The following RPRD2 variants were observed in gnomAD, a reference collection of about 807,000 sequenced individuals.
The protein encoded by RPRD2 is regulation of nuclear pre-mRNA domain containing 2.
RPRD2 carries 12 observed loss-of-function variants against 104.4 expected under a neutral mutation model. That is an observed-to-expected ratio of 0.11 (90% confidence interval 0.07 to 0.19). The LOEUF (loss-of-function observed/expected upper bound fraction) is 0.19, where lower values mean the gene tolerates loss of function less well. Ranked by LOEUF, RPRD2 falls within the 10% of genes least tolerant of loss-of-function variation. The pLI is 1.00. For synonymous variants in RPRD2, 714 were observed against 684.9 expected (o/e 1.04, Z -0.66); for missense variants, 1,543 against 1,790.1 (o/e 0.86, Z 2.49).
intron 1 of RPRD2, among the ~76,000 whole-genome samples, chr1:150,407,222 T>C (rs782583795): frequency 5.3e-5 from 8 of 152,062 alleles, no homozygotes; most frequent in African/African-American, 1.7e-4. Context: ...ATCAGAGGAG[T>C]TTAAGGTACA....
chr1:150,392,368 G>C (rs1341335869), intron 1 of RPRD2, among the ~76,000 whole-genome samples: 1 of 152,128 alleles, frequency 6.6e-6, no homozygotes, highest in East Asian at 1.9e-4. Flanking sequence ...AGCTGGGCGT[G>C]GTGGCACATG....
At chr1:150,372,494 C>CACACGCACACAG (rs1553878621) in intron 1 of RPRD2, among the ~76,000 whole-genome samples, 13 of 95,582 alleles carry the variant, frequency 1.4e-4, no homozygotes, top group Non-Finnish European at 2.9e-4. Flanking sequence ...AAGAAACACA[C>CACACGCACACAG]ACACACACAC....
intron 1 of RPRD2, among the ~76,000 whole-genome samples, chr1:150,400,862 C>G (rs1387869746): frequency 1.3e-5 from 2 of 151,678 alleles, no homozygotes; most frequent in African/African-American, 4.8e-5. Flanking sequence ...TTTTATTGAG[C>G]CTTTCATAGT....
intron 10 of RPRD2, among the ~76,000 whole-genome samples, chr1:150,467,953 G>T (rs924400051): frequency 6.6e-6 from 1 of 151,422 alleles, no homozygotes; most frequent in Non-Finnish European, 1.5e-5. Context: ...GAGGTCAGGA[G>T]TTCAAGACCA....
chr1:150,389,815 A>G (rs1450750609), intron 1 of RPRD2, among the ~76,000 whole-genome samples: 1 of 152,184 alleles, frequency 6.6e-6, no homozygotes, highest in African/African-American at 2.4e-5. Context: ...TCATTCACAG[A>G]AGTAAAGAGT....
chr1:150,461,260 T>C (rs1225197108), intron 9 of RPRD2, among the ~76,000 whole-genome samples: 1 of 151,780 alleles, frequency 6.6e-6, no homozygotes, highest in Non-Finnish European at 1.5e-5. Context: ...AAAAATTTTT[T>C]AATAAATATC....
Position 150,472,917 on chromosome 1 carries a change from A to G in RPRD2, c.3969A>G (p.Val1323=), listed in dbSNP as rs775127186. 9 of 1,613,142 alleles carry G rather than the reference A, an allele frequency of 5.6e-6. No individual in the cohort carries two copies. Among genetic ancestry groups the G allele is most frequent in the Non-Finnish European group, 7.6e-6 (9 of 1,179,624 alleles). The change falls in exon 11 of 11, where the codon GTA becomes GTG. Residue 1323 remains valine, a synonymous_variant. Coordinates refer to ENST00000369068, the MANE Select transcript of RPRD2 (RefSeq NM_015203.5). The part of the protein sequence containing the change: ...AEHGVAGAVA[V]FPKDHSSLLQ... ...ACGGAGTGGCAGGGGCTGTGGCAGT[A>G]TTTCCCAAGGACCATAGTTCCCTCC...
intron 2 of RPRD2, among the ~76,000 whole-genome samples, chr1:150,424,079 A>G (rs1664949476): frequency 6.6e-6 from 1 of 152,250 alleles, no homozygotes; most frequent in East Asian, 1.9e-4. Context: ...GGTGTGAGCC[A>G]CAGCACCCGG....
intron 10 of RPRD2, among the ~76,000 whole-genome samples, chr1:150,467,098 G>T (rs2102432984): frequency 6.6e-6 from 1 of 152,302 alleles, no homozygotes; most frequent in South Asian, 2.1e-4. Context: ...TAGTGCTGAG[G>T]TTGAGAAACC....
intron 2 of RPRD2, among the ~76,000 whole-genome samples, 189 bp downstream of exon 2, chr1:150,417,914 C>T (rs182084420): frequency 6.7e-6 from 1 of 149,616 alleles, no homozygotes; most frequent in Non-Finnish European, 1.5e-5. Flanking sequence ...TTCTTTTTCT[C>T]TCTCTCTCTT....
chr1:150,409,267 A>G (rs1572415311), intron 1 of RPRD2, among the ~76,000 whole-genome samples: 1 of 152,324 alleles, frequency 6.6e-6, no homozygotes, highest in East Asian at 1.9e-4. Flanking sequence ...AACTTCTGCA[A>G]CAGCCCCTAG....
Position 150,422,340 on chromosome 1 carries a change from AAAT to A in RPRD2, c.335+4642_335+4644del, listed in dbSNP as rs145145770. Among the ~76,000 whole-genome samples, 291 of 128,310 alleles carry A rather than the reference AAAT, an allele frequency of 2.3e-3. 2 individuals are homozygous for A. The highest frequency in any genetic ancestry group is 6.3e-3 in the African/African-American group (239 of 37,846). 84.2% of individuals were successfully genotyped at this position (128,310 alleles called of 152,430 possible). On this transcript the variant is annotated intron_variant, in intron 2 of 10. Coordinates refer to ENST00000369068, the MANE Select transcript of RPRD2 (RefSeq NM_015203.5). ...GGTGACAGAGCAAGACTCTGTCTCA[AAAT>A]AATAATAATAATAATAATAATAATA...
At chr1:150,376,523 A>G (rs1660703657) in intron 1 of RPRD2, among the ~76,000 whole-genome samples, 1 of 150,698 alleles carries the variant, frequency 6.6e-6, no homozygotes, top group Non-Finnish European at 1.5e-5. Flanking sequence ...TTGAGACGGA[A>G]TCTTGCTCTG....
intron 1 of RPRD2, among the ~76,000 whole-genome samples, chr1:150,389,444 A>G (rs1572377775): frequency 6.6e-6 from 1 of 152,120 alleles, no homozygotes; most frequent in East Asian, 1.9e-4. Context: ...TTTTGTTTTA[A>G]TGATTAGCTG....
intron 2 of RPRD2, among the ~76,000 whole-genome samples, chr1:150,422,301 G>A (rs1363772233): frequency 6.9e-6 from 1 of 145,402 alleles, no homozygotes; most frequent in African/African-American, 2.5e-5. Context: ...CCGAGATCAT[G>A]CCACTACAGC....
At chr1:150,384,609 T>C (rs990015642) in intron 1 of RPRD2, among the ~76,000 whole-genome samples, 4 of 150,942 alleles carry the variant, frequency 2.7e-5, no homozygotes, top group Non-Finnish European at 4.4e-5. Flanking sequence ...TAGTTGGGAT[T>C]ACAGGCGCCT....
intron 1 of RPRD2, among the ~76,000 whole-genome samples, chr1:150,406,056 A>G (rs1228544892): frequency 6.6e-6 from 1 of 152,214 alleles, no homozygotes; most frequent in Non-Finnish European, 1.5e-5. Context: ...AGTTGCTAAG[A>G]TCTGTGATAA....
At chr1:150,459,945 C>G in intron 8 of RPRD2, 115 bp from the exon 9 acceptor site, 39 of 796,934 alleles carry the variant, frequency 4.9e-5, no homozygotes, top group Admixed American at 5.9e-5. Context: ...TCGTTGTTTT[C>G]TCTAAAGTAG....
In RPRD2 at chr1:150,473,388, G is replaced by A; in HGVS notation, c.*54G>A. 3.4e-6 allele frequency: 5 copies of A among 1,481,440 alleles called. No homozygotes were observed. Among genetic ancestry groups the A allele is most frequent in the South Asian group, 1.4e-5 (1 of 70,192 alleles). The allele number at this position is 1,481,440 out of a possible 1,614,324, so 91.8% of individuals were successfully genotyped here. On this transcript the variant is annotated 3_prime_UTR_variant, in exon 11 of 11. Transcript: ENST00000369068. ...AGTCTAGAGAACATTGGAAGTAGGA[G>A]TTTGGTTTATTGTTGTTGTTTTTAT...
Sources: gnomAD v4.1 joint callset for allele counts (sites outside exome capture counted in the v4.1 genomes callset) on GRCh38, gnomAD v4.1.1 for gene constraint, MANE v1.5 for transcripts, NCBI Gene and HGNC (gene_info 2026-07-23, HGNC 2026-07-21) for gene names.